IL34: variants seen among roughly 807,000 people sequenced by gnomAD.
IL34 encodes interleukin 34, also known as interleukin-34.
A neutral mutation model predicts 25.3 loss-of-function variants in IL34; 17 were observed. The ratio of observed to expected loss-of-function variants is 0.67; its 90% CI spans 0.46 to 1.01. The LOEUF is 1.01. Ranked by LOEUF, IL34 falls within the 50% of genes least tolerant of loss-of-function variation. IL34 has a pLI of 0.00. For synonymous variants in IL34, 174 were observed against 140.9 expected, an observed-to-expected ratio of 1.23 and a Z score of -1.66; for missense variants, 368 against 312.9, an observed-to-expected ratio of 1.18 and a Z score of -1.33.
At chr16:70,627,689 C>T (rs898076081) in intron 1 of IL34, among the ~76,000 whole-genome samples, 6 of 152,098 alleles carry the variant, frequency 3.9e-5, no homozygotes, top group South Asian at 2.1e-4. Context: ...AAGCTGGTCT[C>T]GAGCTCCAGG....
At chr16:70,610,258 T>G (rs2051071540) in intron 1 of IL34, among the ~76,000 whole-genome samples, 2 of 151,444 alleles carry the variant, frequency 1.3e-5, no homozygotes, top group African/African-American at 4.9e-5. Context: ...GAGAGGGATC[T>G]GGGAGAGGAG....
At chr16:70,621,723 G>GA (rs1165369966) in intron 1 of IL34, among the ~76,000 whole-genome samples, 1 of 152,128 alleles carries the variant, frequency 6.6e-6, no homozygotes, top group African/African-American at 2.4e-5. Context: ...AGTGAAGGGA[G>GA]ATAAGGGTGG....
intron 1 of IL34, among the ~76,000 whole-genome samples, chr16:70,583,838 G>A (rs1487996179): frequency 2.6e-5 from 4 of 152,126 alleles, no homozygotes; most frequent in Non-Finnish European, 5.9e-5. Flanking sequence ...CTTTAGTAGA[G>A]ATGGGGTTTC....
At chr16:70,610,204 A>AG (rs2051070691) in intron 1 of IL34, among the ~76,000 whole-genome samples, 1 of 126,528 alleles carries the variant, frequency 7.9e-6, no homozygotes, top group African/African-American at 4.0e-5. Context: ...TCTATCTCAG[A>AG]AAAAAAAAAA....
intron 1 of IL34, among the ~76,000 whole-genome samples, chr16:70,583,657 A>G (rs2050659923): frequency 6.6e-6 from 1 of 151,352 alleles, no homozygotes; most frequent in African/African-American, 2.4e-5. Flanking sequence ...CAGAGCATGT[A>G]GATCTTTCCT....
chr16:70,636,538 C>G (rs917070898), intron 1 of IL34, among the ~76,000 whole-genome samples: 1 of 151,358 alleles, frequency 6.6e-6, no homozygotes, highest in Non-Finnish European at 1.5e-5. Context: ...CTTGGGGAGG[C>G]TGAGACCAGG....
chr16:70,592,716 G>A (rs1053209104), intron 1 of IL34, among the ~76,000 whole-genome samples: 4 of 151,884 alleles, frequency 2.6e-5, no homozygotes, highest in African/African-American at 9.7e-5. Context: ...GTACAGTGGC[G>A]CGATCTGGGC....
chr16:70,643,819 GTTA>G (rs10606450), upstream of IL34, among the ~76,000 whole-genome samples: 32,322 of 152,058 alleles, frequency 0.21, 5,515 homozygotes, highest in African/African-American at 0.48. Flanking sequence ...ATATTAAAGA[GTTA>G]TTAATTTGAG....
chr16:70,643,432 G>A (rs1163417086), upstream of IL34, among the ~76,000 whole-genome samples: 4 of 152,134 alleles, frequency 2.6e-5, no homozygotes, highest in East Asian at 5.8e-4. Flanking sequence ...GTGCAGTGGC[G>A]TGATCATGGT....
At chr16:70,580,364 C>T (rs2050623108) in intron 1 of IL34, among the ~76,000 whole-genome samples, 1 of 152,262 alleles carries the variant, frequency 6.6e-6, no homozygotes, top group African/African-American at 2.4e-5. Flanking sequence ...ATTGACAAAC[C>T]TACATTCTCA....
chr16:70,659,523 G>A, intron 4 of IL34, 95 bp from the exon 5 acceptor site: 1 of 1,439,992 alleles, frequency 6.9e-7, no homozygotes, highest in Non-Finnish European at 9.3e-7. Flanking sequence ...CTTCTTCCGG[G>A]GTTTGGGCAG....
At chr16:70,602,156 C>T (rs896994123) in intron 1 of IL34, among the ~76,000 whole-genome samples, 21 of 152,298 alleles carry the variant, frequency 1.4e-4, no homozygotes, top group East Asian at 3.9e-4. Flanking sequence ...TGCAGTGAGC[C>T]GTGGAGGCCA....
rs2051058136 is a variant in IL34 at position 70,609,407 on chromosome 16, A to G, written c.-401+29358A>G. On this transcript the variant is annotated intron_variant, in intron 1 of 6. Coordinates refer to the IL34 transcript ENST00000429149. ...AAGTGGGATTCTTGAATCTTATGCC[A>G]CAGCTCGCAAGCTGTTAAGTCCTGG... 2.6e-5 allele frequency among the ~76,000 whole-genome samples: 4 copies of G among 152,236 alleles called. No individual in the cohort carries two copies. In the South Asian group the frequency reaches 8.3e-4, roughly 32 times the overall value.
At chr16:70,613,586 G>A (rs150073345) in intron 1 of IL34, among the ~76,000 whole-genome samples, 260 of 152,258 alleles carry the variant, frequency 1.7e-3, no homozygotes, top group Non-Finnish European at 2.7e-3. Flanking sequence ...CAGAAATGCA[G>A]AGTCCAGCCA....
chr16:70,621,778 A>T (rs1345323799), intron 1 of IL34, among the ~76,000 whole-genome samples: 1 of 151,976 alleles, frequency 6.6e-6, no homozygotes. Context: ...ATTACAGTCA[A>T]AGAGGGTTTG....
chr16:70,660,089 C>A lies in IL34; in HGVS notation c.631C>A (p.Gln211Lys). ...GCCCTCATTGCAGTATGCGGCCACC[C>A]AGCTGTACCCTCCGCCCCCGTGGTC... ...PEPSLQYAAT[Q>K]LYPPPPWSPS... The change falls in exon 6 of 6, where the codon CAG becomes AAG. Residue 211 changes from glutamine (Q) to lysine (K), a missense_variant. Coordinates refer to ENST00000288098, the MANE Select transcript of IL34 (RefSeq NM_001393494.1). 1 of 1,613,718 alleles carries A rather than the reference C, an allele frequency of 6.2e-7. No homozygotes were observed. Among genetic ancestry groups the A allele is most frequent in the Non-Finnish European group, 8.5e-7 (1 of 1,179,896 alleles).
chr16:70,610,310 C>T (rs2051072247), intron 1 of IL34, among the ~76,000 whole-genome samples: 1 of 152,108 alleles, frequency 6.6e-6, no homozygotes, highest in Non-Finnish European at 1.5e-5. Flanking sequence ...TGGATTCTCT[C>T]CTTCATCCCC....
Position 70,656,954 on chromosome 16 carries a change from C to G in IL34, c.241-6C>G. On this transcript the variant is annotated splice_region_variant and splice_polypyrimidine_tract_variant and intron_variant, in intron 3 of 5. Transcript: ENST00000288098. The stretch of plus-strand genomic sequence containing the variant: ...CCGAGTTGCAGTGACTTCCCTGTTT[C>G]CGCAGCAGAGGGCCCAGGTGAGCGA... 6.2e-7 allele frequency: 1 copy of G among 1,601,834 alleles called. No individual in the cohort carries two copies. Among genetic ancestry groups the G allele is most frequent in the Non-Finnish European group, 8.5e-7 (1 of 1,173,662 alleles).
chr16:70,580,887 A>C (rs1419345753), intron 1 of IL34, among the ~76,000 whole-genome samples: 1 of 152,166 alleles, frequency 6.6e-6, no homozygotes, highest in East Asian at 1.9e-4. Flanking sequence ...TCTGAAATTA[A>C]AATGAAGTGT....
Sources: gnomAD v4.1 joint callset for allele counts (sites outside exome capture counted in the v4.1 genomes callset) on GRCh38, gnomAD v4.1.1 for gene constraint, MANE v1.5 for transcripts, NCBI Gene and HGNC (gene_info 2026-07-23, HGNC 2026-07-21) for gene names.